The following EML6 variants were observed in gnomAD, a reference collection of about 807,000 sequenced individuals.
The protein encoded by EML6 is echinoderm microtubule-associated protein-like 6.
In EML6, 154 loss-of-function variants were observed where a neutral mutation model predicts 240.1. That is an observed-to-expected ratio of 0.64 (90% CI 0.56 to 0.73). EML6 has a LOEUF of 0.73. EML6 is among the 30% of genes least tolerant of loss of function. The pLI, the probability that EML6 is intolerant of heterozygous loss-of-function variation, is 0.00. For synonymous variants in EML6, 1,148 were observed against 899.0 expected (o/e 1.28, Z -4.95); for missense variants, 2,964 against 2,474.6 (o/e 1.20, Z -4.20).
At chr2:54,897,958 C>T (rs1175880322) in intron 21 of EML6, among the ~76,000 whole-genome samples, 8 of 152,170 alleles carry the variant, frequency 5.3e-5, no homozygotes, top group Non-Finnish European at 1.2e-4. Context: ...GCTGTCCTGC[C>T]GGAAGAAGAT....
chr2:54,879,765 ACCT>A, intron 17 of EML6, 125 bp downstream of exon 17: 1 of 663,918 alleles, frequency 1.5e-6, no homozygotes, highest in Non-Finnish European at 2.6e-6. Context: ...AAGGCTTAGC[ACCT>A]AAGTGAAAAA....
intron 12 of EML6, among the ~76,000 whole-genome samples, chr2:54,861,323 T>G (rs2103840792): frequency 6.6e-6 from 1 of 152,280 alleles, no homozygotes; most frequent in South Asian, 2.1e-4. Flanking sequence ...TGATGGGGCT[T>G]CGCATTCCTG....
chr2:54,861,904 C>G (rs1490078766), intron 12 of EML6, among the ~76,000 whole-genome samples: 1 of 151,768 alleles, frequency 6.6e-6, no homozygotes, highest in Non-Finnish European at 1.5e-5. Context: ...TGTGATTTAC[C>G]CAACAGGGAA....
intron 2 of EML6, among the ~76,000 whole-genome samples, chr2:54,735,920 G>A (rs1221119498): frequency 6.6e-6 from 1 of 152,212 alleles, no homozygotes; most frequent in Non-Finnish European, 1.5e-5. Context: ...GGGCTTCGAG[G>A]GAAGACCCCT....
intron 17 of EML6, among the ~76,000 whole-genome samples, chr2:54,883,707 C>G (rs1053161733): frequency 1.3e-5 from 2 of 152,150 alleles, no homozygotes; most frequent in African/African-American, 4.8e-5. Context: ...TTTTGTTTTG[C>G]TTACACATAC....
At chr2:54,957,311 A>C (rs891010703) in intron 32 of EML6, among the ~76,000 whole-genome samples, 3 of 151,582 alleles carry the variant, frequency 2.0e-5, no homozygotes, top group African/African-American at 7.3e-5. Flanking sequence ...CACAAACTAA[A>C]AAGGAAAACG....
At chr2:54,834,561 G>A (rs1253151573) in intron 7 of EML6, among the ~76,000 whole-genome samples, 4 of 152,216 alleles carry the variant, frequency 2.6e-5, no homozygotes, top group East Asian at 1.9e-4. Flanking sequence ...GAACTGAATA[G>A]GAAGTCCTGA....
At chr2:54,836,029 G>A (rs974362949) in intron 7 of EML6, among the ~76,000 whole-genome samples, 1 of 152,102 alleles carries the variant, frequency 6.6e-6, no homozygotes, top group Non-Finnish European at 1.5e-5. Flanking sequence ...CTCTGTCACC[G>A]CTCTCCCTGT....
At chr2:54,749,052 G>A (rs1193222315) in intron 2 of EML6, among the ~76,000 whole-genome samples, 1 of 152,246 alleles carries the variant, frequency 6.6e-6, no homozygotes, top group Non-Finnish European at 1.5e-5. Flanking sequence ...GTCAAGGAAT[G>A]TGTATACTTT....
At chr2:54,945,572 G>T (rs935049122) in intron 28 of EML6, among the ~76,000 whole-genome samples, 2 of 152,110 alleles carry the variant, frequency 1.3e-5, no homozygotes, top group African/African-American at 4.8e-5. Flanking sequence ...TCCCCAGTTG[G>T]CTCTCATGTT....
chr2:54,847,689 T>G (rs1669840386), intron 9 of EML6, 66 bp downstream of exon 9: 1 of 1,512,398 alleles, frequency 6.6e-7, no homozygotes, highest in Admixed American at 2.0e-5. Flanking sequence ...ATTTTCCTGG[T>G]CATAATACAT....
At chr2:54,794,695 G>T (rs1022497446) in intron 2 of EML6, among the ~76,000 whole-genome samples, 1 of 152,170 alleles carries the variant, frequency 6.6e-6, no homozygotes, top group African/African-American at 2.4e-5. Flanking sequence ...AATGGTTAGT[G>T]CACTCAGGGA....
chr2:54,728,082 A>G (rs889427087), intron 2 of EML6, among the ~76,000 whole-genome samples: 1 of 152,224 alleles, frequency 6.6e-6, no homozygotes, highest in African/African-American at 2.4e-5. Flanking sequence ...TTACTTTTTA[A>G]TTCAGATAAC....
chr2:54,780,551 G>C (rs1668808598), intron 2 of EML6, among the ~76,000 whole-genome samples: 1 of 152,128 alleles, frequency 6.6e-6, no homozygotes, highest in Non-Finnish European at 1.5e-5. Context: ...GCAATTAAGG[G>C]AACTGTGTCT....
intron 28 of EML6, among the ~76,000 whole-genome samples, chr2:54,935,996 C>T (rs551081079): frequency 6.6e-6 from 1 of 152,336 alleles, no homozygotes; most frequent in South Asian, 2.1e-4. Context: ...CACCAGTGCA[C>T]TCCAGCCTGG....
At chr2:54,843,765 C>T (rs1194927291) in intron 7 of EML6, among the ~76,000 whole-genome samples, 1 of 150,014 alleles carries the variant, frequency 6.7e-6, no homozygotes, top group African/African-American at 2.5e-5. Context: ...ATGGCGTGAA[C>T]CCGGGAGGCG....
intron 2 of EML6, among the ~76,000 whole-genome samples, chr2:54,804,394 C>G (rs1670353970): frequency 6.6e-6 from 1 of 152,228 alleles, no homozygotes; most frequent in South Asian, 2.1e-4. Context: ...AGTGAAACTT[C>G]TCATTAGCAA....
chr2:54,873,001 G>T (rs564579708), intron 16 of EML6, among the ~76,000 whole-genome samples: 2 of 152,162 alleles, frequency 1.3e-5, no homozygotes, highest in Non-Finnish European at 1.5e-5. Flanking sequence ...GAGCCCATCT[G>T]TCTGGTCCCC....
Position 54,907,171 on chromosome 2 carries a change from A to G in EML6, c.3409+3669A>G, listed in dbSNP as rs185301042. Among the ~76,000 whole-genome samples the G allele has an allele frequency of 2.3e-3, 357 of 152,356 alleles. 3 individuals carry two copies. Among genetic ancestry groups the G allele is most frequent in the South Asian group, 4.6e-3 (22 of 4,830 alleles). On this transcript the variant is annotated intron_variant, in intron 24 of 41. Transcript: ENST00000356458. ...ATAGAAAGGGTATTTTCTAAATGCT[A>G]CAAGTTCATTTCTAGAAATATCAGG...
Sources: allele counts gnomAD v4.1 joint callset (sites outside exome capture counted in the v4.1 genomes callset), GRCh38; gene constraint gnomAD v4.1.1; transcripts MANE v1.5; gene names NCBI Gene and HGNC (gene_info 2026-07-23, HGNC 2026-07-21).